PCDHA12: variants seen among roughly 807,000 people sequenced by gnomAD.
The protein encoded by PCDHA12 is protocadherin alpha 12, also known as protocadherin alpha-12.
A neutral mutation model predicts 60.0 loss-of-function variants in PCDHA12; 44 were observed. That is an observed-to-expected ratio of 0.73 (90% CI 0.58 to 0.94). The LOEUF (loss-of-function observed/expected upper bound fraction) is 0.94. PCDHA12 is among the 40% of genes least tolerant of loss of function. The pLI, the probability that PCDHA12 is intolerant of heterozygous loss-of-function variation, is 0.00. For synonymous variants in PCDHA12, 569 were observed against 553.0 expected, an observed-to-expected ratio of 1.03 and a Z score of -0.40; for missense variants, 1,276 against 1,239.7, an observed-to-expected ratio of 1.03 and a Z score of -0.44.
At chr5:140,999,078 T>G (rs1554256609) in intron 3 of PCDHA12, among the ~76,000 whole-genome samples, 2 of 152,208 alleles carry the variant, frequency 1.3e-5, no homozygotes, top group Non-Finnish European at 2.9e-5. Context: ...CTTCACTTCC[T>G]CCTTCAGAGG....
At chr5:140,995,559 A>G (rs2097689300) in intron 3 of PCDHA12, among the ~76,000 whole-genome samples, 1 of 152,242 alleles carries the variant, frequency 6.6e-6, no homozygotes, top group South Asian at 2.1e-4. Context: ...TGTACTGAAT[A>G]ATATGTCAAG....
At chr5:140,962,428 C>G (rs1359949802) in intron 1 of PCDHA12, among the ~76,000 whole-genome samples, 1 of 152,136 alleles carries the variant, frequency 6.6e-6, no homozygotes, top group Non-Finnish European at 1.5e-5. Flanking sequence ...TTTATTGTTA[C>G]TTATCCAAAG....
chr5:140,927,997 C>T (rs139322203), intron 1 of PCDHA12: 298 of 1,614,182 alleles, frequency 1.8e-4, no homozygotes, highest in Admixed American at 5.8e-4. Context: ...GGATGAAGAC[C>T]TCGATTCTAA....
chr5:140,917,338 G>GGGGGGGGGGGGGGGGGA (rs2078134893), intron 1 of PCDHA12, among the ~76,000 whole-genome samples: 1 of 137,894 alleles, frequency 7.3e-6, no homozygotes, highest in Non-Finnish European at 1.6e-5. Flanking sequence ...GGAGGGGGGG[G>GGGGGGGGGGGGGGGGGA]ATGGTGTAGG....
intron 1 of PCDHA12, among the ~76,000 whole-genome samples, chr5:140,921,323 G>C (rs192159885): frequency 7.2e-4 from 109 of 151,970 alleles, no homozygotes; most frequent in African/African-American, 2.6e-3. Context: ...GAGCTAATCT[G>C]TCTGGTCCAA....
intron 1 of PCDHA12, among the ~76,000 whole-genome samples, chr5:140,889,020 TG>T (rs1554183734): frequency 1.3e-5 from 2 of 152,126 alleles, no homozygotes; most frequent in Non-Finnish European, 2.9e-5. Context: ...TCTACTTCCT[TG>T]GATAACCGTA....
intron 1 of PCDHA12, among the ~76,000 whole-genome samples, chr5:140,895,531 A>T (rs1433375510): frequency 6.6e-6 from 1 of 152,016 alleles, no homozygotes; most frequent in Non-Finnish European, 1.5e-5. Flanking sequence ...TTCGTTTTTC[A>T]ATTGTTGAGT....
chr5:140,887,335 A>G (rs1360547523), intron 1 of PCDHA12, among the ~76,000 whole-genome samples: 1 of 152,102 alleles, frequency 6.6e-6, no homozygotes, highest in African/African-American at 2.4e-5. Flanking sequence ...TGACCTCGTG[A>G]TCCACCTGGC....
chr5:140,997,668 T>TTGTGTGTG lies in PCDHA12; in HGVS notation c.2516-11937_2516-11930dup, dbSNP rs35184029. 2.7e-3 allele frequency among the ~76,000 whole-genome samples: 400 copies of TTGTGTGTG among 148,342 alleles called. 5 individuals carry two copies. The East Asian group carries it at 0.038, about 14-fold the overall frequency. The stretch of plus-strand genomic sequence containing the variant: ...AATGCAATATGTATTATTATACAGC[T>TTGTGTGTG]TGTGTGTGTGTGTGTGTGTGTGTGT... On this transcript the variant is annotated intron_variant, in intron 3 of 3. Transcript: ENST00000398631.
intron 1 of PCDHA12, among the ~76,000 whole-genome samples, chr5:140,954,689 A>T (rs1392082377): frequency 2.0e-5 from 3 of 152,164 alleles, no homozygotes; most frequent in Non-Finnish European, 4.4e-5. Context: ...TCAGATGGAT[A>T]GACTACAAAA....
At chr5:140,912,472 G>A (rs993404931) in intron 1 of PCDHA12, among the ~76,000 whole-genome samples, 4 of 151,836 alleles carry the variant, frequency 2.6e-5, no homozygotes, top group African/African-American at 9.7e-5. Context: ...GAACTTTACT[G>A]AATTCATTTA....
At chr5:140,907,591 C>T (rs539639384) in intron 1 of PCDHA12, among the ~76,000 whole-genome samples, 10 of 152,294 alleles carry the variant, frequency 6.6e-5, no homozygotes, top group African/African-American at 2.4e-4. Flanking sequence ...GGCTGATCAC[C>T]CTGAGGAATG....
Position 141,010,188 on chromosome 5 carries a change from T to A in PCDHA12, c.*251T>A. ...CAGAACCTAAAAAGCAGACCCAAGT[T>A]TCCTTTCTCCTCCGCCGCAAAGGAG... is the stretch of plus-strand genomic sequence containing the variant. On this transcript the variant is annotated 3_prime_UTR_variant, in exon 4 of 4. Coordinates refer to ENST00000398631, the MANE Select transcript of PCDHA12 (RefSeq NM_018903.4). 6.4e-7 allele frequency: 1 copy of A among 1,553,070 alleles called. No individual in the cohort carries two copies. The highest frequency in any genetic ancestry group is 1.2e-5 in the South Asian group (1 of 84,340).
At chr5:140,967,669 G>T (rs782398219) in intron 1 of PCDHA12, 1 of 1,614,126 alleles carries the variant, frequency 6.2e-7, no homozygotes, top group Non-Finnish European at 8.5e-7. Context: ...GCTACACGTC[G>T]GACCGGGAGA....
In PCDHA12 at chr5:141,000,421, A is replaced by ATTTTT. The variant is rs34755515; in HGVS notation, c.2516-9187_2516-9183dup. Among the ~76,000 whole-genome samples, 110 of 27,976 alleles carry ATTTTT rather than the reference A, an allele frequency of 3.9e-3. 3 individuals carry two copies. Among genetic ancestry groups the ATTTTT allele is most frequent in the Non-Finnish European group, 5.0e-3 (89 of 17,656 alleles). The allele number at this position is 27,976 out of a possible 152,430, so 18.4% of individuals were successfully genotyped here. ...TATATATATATATATATATATATATATTTTTTTTTTTTTTTTTTTTTTTGA... is the reference window on the plus strand; with the variant it reads ...TATATATATATATATATATATATATATTTTTTTTTTTTTTTTTTTTTTTTTTTTGA... On this transcript the variant is annotated intron_variant, in intron 3 of 3. Coordinates refer to ENST00000398631, the MANE Select transcript of PCDHA12 (RefSeq NM_018903.4).
intron 1 of PCDHA12, chr5:140,881,430 T>G: frequency 1.1e-6 from 1 of 889,582 alleles, no homozygotes; most frequent in Non-Finnish European, 1.3e-6. Flanking sequence ...TCCAGGCATA[T>G]TTTATAAAAA....
Position 140,876,785 on chromosome 5 carries a change from C to T in PCDHA12, c.1313C>T (p.Thr438Met), listed in dbSNP as rs1554168921. The T allele has an allele frequency of 3.1e-6, 5 of 1,614,206 alleles. No homozygotes were observed. The highest frequency in any genetic ancestry group is 1.7e-5 in the Admixed American group (1 of 60,026). ...GGGGGCTCGCCTTCGCTGTGGGCCA[C>T]GGCTAGAGTGTCCGTGGAGGTGGCC... The part of the protein sequence containing the change: ...RDGGSPSLWA[T>M]ARVSVEVADV... Residue 438 changes from threonine (T) to methionine (M), a missense_variant, in exon 1 of 4, where the codon ACG (threonine) becomes ATG (methionine). Physicochemically the swap from Thr to Met is moderately conservative, Grantham distance 81. Coordinates refer to ENST00000398631, the MANE Select transcript of PCDHA12 (RefSeq NM_018903.4).
At chr5:140,879,740 T>C (rs1337276853) in intron 1 of PCDHA12, among the ~76,000 whole-genome samples, 5 of 152,200 alleles carry the variant, frequency 3.3e-5, no homozygotes, top group Admixed American at 1.3e-4. Flanking sequence ...ATCAAGGTGT[T>C]GTCAAGGCTA....
At chr5:140,886,903 A>G (rs1432603652) in intron 1 of PCDHA12, among the ~76,000 whole-genome samples, 1 of 152,188 alleles carries the variant, frequency 6.6e-6, no homozygotes, top group East Asian at 1.9e-4. Context: ...CATTTAATAA[A>G]TACTTATTGA....
Sources: gnomAD v4.1 joint callset for allele counts (sites outside exome capture counted in the v4.1 genomes callset) on GRCh38, gnomAD v4.1.1 for gene constraint, MANE v1.5 for transcripts, NCBI Gene and HGNC (gene_info 2026-07-23, HGNC 2026-07-21) for gene names.